The following ABCB11 variants were observed in gnomAD, a reference collection of about 807,000 sequenced individuals.
ABCB11 encodes the protein bile salt export pump.
ABCB11 carries 95 observed loss-of-function variants against 148.0 expected under a neutral mutation model. The observed-to-expected ratio is 0.64, with a 90% CI of 0.54 to 0.76. ABCB11 has a LOEUF of 0.76. ABCB11 is among the 30% of genes least tolerant of loss of function. The pLI is 0.00. For synonymous variants in ABCB11, 591 were observed against 555.4 expected (o/e 1.06, Z -0.90); for missense variants, 1,523 against 1,617.8 (o/e 0.94, Z 1.01).
intron 23 of ABCB11, among the ~76,000 whole-genome samples, chr2:168,933,820 C>T (rs1284626598): frequency 6.6e-6 from 1 of 152,196 alleles, no homozygotes; most frequent in African/African-American, 2.4e-5. Context: ...TCTCAGCTCA[C>T]TGTAGCCTCT....
intron 1 of ABCB11, among the ~76,000 whole-genome samples, chr2:169,022,383 G>A (rs1357689285): frequency 6.6e-6 from 1 of 151,674 alleles, no homozygotes; most frequent in Non-Finnish European, 1.5e-5. Context: ...AAATGGGAAA[G>A]GTAAAATAAA....
chr2:168,973,853 G>A lies in ABCB11; in HGVS notation c.1309-13C>T. The A allele has an allele frequency of 6.2e-7, 1 of 1,609,760 alleles. No individual in the cohort carries two copies. Among genetic ancestry groups the A allele is most frequent in the Non-Finnish European group, 8.5e-7 (1 of 1,177,026 alleles). On this transcript the variant is annotated splice_polypyrimidine_tract_variant and intron_variant, in intron 12 of 27. Transcript: ENST00000650372. ...GGTCATTTAGAATCTGGAGAAGAAA[G>A]AAAACAGCAAAGTTCAGATTGTCAC... is the stretch of plus-strand genomic sequence containing the variant.
At chr2:168,950,140 TACACACACACACAC>T (rs36026125) in intron 19 of ABCB11, among the ~76,000 whole-genome samples, 1 of 143,974 alleles carries the variant, frequency 6.9e-6, no homozygotes, top group Non-Finnish European at 1.5e-5. Context: ...TATATATATA[TACACACACACACAC>T]ACACACACAC....
chr2:168,987,298 A>C (rs1682759552), intron 9 of ABCB11, among the ~76,000 whole-genome samples: 1 of 151,936 alleles, frequency 6.6e-6, no homozygotes, highest in Admixed American at 6.6e-5. Flanking sequence ...GGCACGTAGT[A>C]AGTACTCAAT....
intron 19 of ABCB11, among the ~76,000 whole-genome samples, chr2:168,946,484 G>A (rs1413442681): frequency 6.6e-6 from 1 of 151,714 alleles, no homozygotes. Context: ...CCTTCATGGT[G>A]CTCAATACTG....
chr2:168,998,464 AACG>A (rs1395269052), intron 5 of ABCB11, among the ~76,000 whole-genome samples: 1 of 152,142 alleles, frequency 6.6e-6, no homozygotes, highest in Non-Finnish European at 1.5e-5. Flanking sequence ...TCCTCACCAC[AACG>A]ACATGATAAA....
At chr2:168,951,811 AT>A (rs1692583450) in intron 19 of ABCB11, among the ~76,000 whole-genome samples, 1 of 151,676 alleles carries the variant, frequency 6.6e-6, no homozygotes, top group African/African-American at 2.4e-5. Flanking sequence ...GAAAATTGGC[AT>A]CCTTATCTTG....
At chr2:169,014,060 A>T (rs937594644) in intron 4 of ABCB11, among the ~76,000 whole-genome samples, 1 of 152,142 alleles carries the variant, frequency 6.6e-6, no homozygotes. Flanking sequence ...TATGATAACC[A>T]TGGGCTTAGT....
intron 19 of ABCB11, among the ~76,000 whole-genome samples, chr2:168,953,135 T>C (rs1202999808): frequency 6.6e-6 from 1 of 151,696 alleles, no homozygotes; most frequent in Non-Finnish European, 1.5e-5. Flanking sequence ...ATATCTGATC[T>C]ATCTTGCAAA....
In ABCB11 at chr2:168,979,973, G is replaced by A. The variant is rs749700736; in HGVS notation, c.1090C>T (p.Leu364Phe). 1.3e-6 allele frequency: 2 copies of A among 1,594,960 alleles called. No homozygotes were observed. Among genetic ancestry groups the A allele is most frequent in the Non-Finnish European group, 8.6e-7 (1 of 1,163,886 alleles). The change falls in exon 11 of 28, where the codon CTC becomes TTC. Residue 364 changes from leucine (L) to phenylalanine (F), a missense_variant. By Grantham distance (22) the Leu-to-Phe change is conservative. Coordinates refer to ENST00000650372, the MANE Select transcript of ABCB11 (RefSeq NM_003742.4). ...TTTAAAGCTCCTACTATGACACTGAGGAAAATCTGAAATGAAAAGAGAGAG... is the reference window on the plus strand; with the variant it reads ...TTTAAAGCTCCTACTATGACACTGAAGAAAATCTGAAATGAAAAGAGAGAG... ...YTPGTLVQIF[L>F]SVIVGALNLG...
At chr2:168,925,920 T>C (rs1272580223) in intron 26 of ABCB11, among the ~76,000 whole-genome samples, 1 of 152,212 alleles carries the variant, frequency 6.6e-6, no homozygotes, top group Non-Finnish European at 1.5e-5. Flanking sequence ...ACACACAATC[T>C]TTGCTTTTGA....
downstream of ABCB11, among the ~76,000 whole-genome samples, chr2:168,919,706 T>A (rs1206126915): frequency 6.6e-6 from 1 of 152,136 alleles, no homozygotes; most frequent in African/African-American, 2.4e-5. Flanking sequence ...TGACTGAGAA[T>A]GTCTTTAGAC....
intron 23 of ABCB11, among the ~76,000 whole-genome samples, chr2:168,933,937 G>C (rs1298388518): frequency 6.6e-6 from 1 of 151,954 alleles, no homozygotes; most frequent in East Asian, 1.9e-4. Context: ...TTTTTTTGTA[G>C]AGATGAGGTT....
intron 25 of ABCB11, among the ~76,000 whole-genome samples, chr2:168,929,256 T>C (rs1691457541): frequency 6.6e-6 from 1 of 152,154 alleles, no homozygotes; most frequent in African/African-American, 2.4e-5. Flanking sequence ...TACGAAATAA[T>C]GGATCTAATC....
At chr2:168,946,001 A>C (rs1172999754) in intron 19 of ABCB11, among the ~76,000 whole-genome samples, 1 of 151,886 alleles carries the variant, frequency 6.6e-6, no homozygotes, top group Non-Finnish European at 1.5e-5. Flanking sequence ...AATGCTTAGT[A>C]AACTACACTC....
At chr2:168,941,787 A>C (rs1199748783) in intron 21 of ABCB11, among the ~76,000 whole-genome samples, 3 of 152,042 alleles carry the variant, frequency 2.0e-5, no homozygotes, top group African/African-American at 7.2e-5. Context: ...TGCCAGTCTA[A>C]CCTTCAGCAA....
intron 18 of ABCB11, 23 bp downstream of exon 18, chr2:168,964,183 C>T (rs952420244): frequency 2.0e-5 from 30 of 1,517,774 alleles, no homozygotes; most frequent in Non-Finnish European, 2.3e-5. Context: ...TCCATTCCCC[C>T]CCATAAGCAG....
chr2:168,984,715 C>A (rs1211643929), intron 10 of ABCB11, among the ~76,000 whole-genome samples: 1 of 152,056 alleles, frequency 6.6e-6, no homozygotes, highest in Non-Finnish European at 1.5e-5. Context: ...CATTTCATAG[C>A]TATAAAGTGT....
At chr2:168,916,100 T>C (rs1690936766), downstream of ABCB11, among the ~76,000 whole-genome samples, 1 of 152,266 alleles carries the variant, frequency 6.6e-6, no homozygotes, top group African/African-American at 2.4e-5. Context: ...AGAAATGTTA[T>C]TGAAACTCTG....
Sources: allele counts gnomAD v4.1 joint callset (sites outside exome capture counted in the v4.1 genomes callset), GRCh38; gene constraint gnomAD v4.1.1; transcripts MANE v1.5; gene names NCBI Gene and HGNC (gene_info 2026-07-23, HGNC 2026-07-21).